Variants in GALNT13 observed in about 807,000 individuals in gnomAD.
The protein encoded by GALNT13 is polypeptide N-acetylgalactosaminyltransferase 13.
In GALNT13, 28 loss-of-function variants were observed where a neutral mutation model predicts 64.2. The observed-to-expected ratio is 0.44, with a 90% CI of 0.32 to 0.60. The LOEUF (loss-of-function observed/expected upper bound fraction) is 0.60, where lower values mean the gene tolerates loss of function less well. Among genes scored for constraint, GALNT13 ranks in the 20% least tolerant of loss-of-function variants. The pLI, the probability that GALNT13 is intolerant of heterozygous loss-of-function variation, is 0.05. For missense variants in GALNT13, 577 were observed against 669.8 expected (o/e 0.86, Z 1.53); for synonymous variants, 214 against 224.6 (o/e 0.95, Z 0.42).
the GALNT13 span, among the ~76,000 whole-genome samples, chr2:153,152,297 C>T: frequency 2.8e-4 from 43 of 151,960 alleles, no homozygotes; most frequent in East Asian, 4.7e-3. Context: ...GGGAGATGGC[C>T]GTGGTAGTGG....
chr2:153,371,844 T>C, the GALNT13 span, among the ~76,000 whole-genome samples: 1 of 152,226 alleles, frequency 6.6e-6, no homozygotes, highest in African/African-American at 2.4e-5. Context: ...CTTTGGATAC[T>C]TTTTAGAACT....
the GALNT13 span, among the ~76,000 whole-genome samples, chr2:153,644,756 A>G: frequency 1.3e-5 from 2 of 152,044 alleles, no homozygotes; most frequent in African/African-American, 4.8e-5. Context: ...ATACAAATGC[A>G]TTCTCAAGAT....
chr2:153,408,344 C>T, the GALNT13 span, among the ~76,000 whole-genome samples: 3 of 151,532 alleles, frequency 2.0e-5, no homozygotes, highest in African/African-American at 7.3e-5. Flanking sequence ...AGAAAATGAC[C>T]GGCATATGAT....
intron 2 of GALNT13, among the ~76,000 whole-genome samples, chr2:153,903,437 T>G (rs1688360368): frequency 6.6e-6 from 1 of 152,050 alleles, no homozygotes; most frequent in Non-Finnish European, 1.5e-5. Context: ...GCAATTACTT[T>G]TGCATCAACC....
the GALNT13 span, among the ~76,000 whole-genome samples, chr2:153,428,621 C>CA: frequency 1.3e-4 from 20 of 152,054 alleles, no homozygotes; most frequent in African/African-American, 3.6e-4. Context: ...CAGTGGTGGA[C>CA]AAAAAATTGA....
the GALNT13 span, among the ~76,000 whole-genome samples, chr2:153,742,810 C>T: frequency 1.3e-5 from 2 of 151,998 alleles, no homozygotes; most frequent in African/African-American, 4.8e-5. Flanking sequence ...TTTTCTCAAC[C>T]AGTCAACTGT....
upstream of GALNT13, among the ~76,000 whole-genome samples, chr2:153,870,801 CGTT>C (rs1208561441): frequency 2.7e-5 from 4 of 150,504 alleles, no homozygotes; most frequent in African/African-American, 4.9e-5. Context: ...TTTATGTAGT[CGTT>C]ATATCCTCCC....
chr2:154,296,547 C>T (rs899430518), intron 8 of GALNT13, among the ~76,000 whole-genome samples: 1 of 152,074 alleles, frequency 6.6e-6, no homozygotes, highest in African/African-American at 2.4e-5. Flanking sequence ...CCTTAAATTC[C>T]GTCTCATGTA....
the GALNT13 span, among the ~76,000 whole-genome samples, chr2:153,458,220 G>A: frequency 6.6e-6 from 1 of 150,984 alleles, no homozygotes; most frequent in African/African-American, 2.4e-5. Flanking sequence ...TCAAATCCTT[G>A]CTTTAAAAAA....
the GALNT13 span, among the ~76,000 whole-genome samples, chr2:153,423,767 A>C: frequency 6.6e-6 from 1 of 151,814 alleles, no homozygotes; most frequent in Non-Finnish European, 1.5e-5. Flanking sequence ...TGAAAGTTAT[A>C]AAAGACCTAA....
the GALNT13 span, among the ~76,000 whole-genome samples, chr2:153,251,572 G>A: frequency 1.5e-4 from 23 of 151,028 alleles, no homozygotes; most frequent in Admixed American, 5.9e-4. Flanking sequence ...TGCACCCACT[G>A]ACTCGTCATC....
the GALNT13 span, among the ~76,000 whole-genome samples, chr2:153,418,124 A>G: frequency 3.3e-5 from 5 of 152,324 alleles, no homozygotes; most frequent in South Asian, 1.0e-3. Context: ...TGTAATCAGA[A>G]TACTGCTCAT....
chr2:153,620,536 T>C, the GALNT13 span, among the ~76,000 whole-genome samples: 1 of 151,970 alleles, frequency 6.6e-6, no homozygotes, highest in Admixed American at 6.6e-5. Context: ...CTTGATCAAT[T>C]CTGCTACCAT....
chr2:153,270,593 A>C, the GALNT13 span, among the ~76,000 whole-genome samples: 1 of 152,094 alleles, frequency 6.6e-6, no homozygotes, highest in Non-Finnish European at 1.5e-5. Context: ...AGACATAGTG[A>C]CTCATGCCTG....
At chr2:153,107,944 A>C in the GALNT13 span, among the ~76,000 whole-genome samples, 1 of 152,160 alleles carries the variant, frequency 6.6e-6, no homozygotes, top group African/African-American at 2.4e-5. Flanking sequence ...TTTCCAAAAG[A>C]ACACACTGTC....
the GALNT13 span, among the ~76,000 whole-genome samples, chr2:153,486,905 C>T: frequency 6.6e-6 from 1 of 152,114 alleles, no homozygotes; most frequent in African/African-American, 2.4e-5. Flanking sequence ...GTATACCCTC[C>T]CATCCTAAGA....
At chr2:154,393,922 C>CA (rs1433323646) in intron 9 of GALNT13, among the ~76,000 whole-genome samples, 1 of 149,520 alleles carries the variant, frequency 6.7e-6, no homozygotes, top group Non-Finnish European at 1.5e-5. Context: ...ACTAAAAATA[C>CA]AAAAAATTAG....
At chr2:153,530,525 A>G in the GALNT13 span, among the ~76,000 whole-genome samples, 1 of 152,232 alleles carries the variant, frequency 6.6e-6, no homozygotes, top group East Asian at 1.9e-4. Context: ...AAACAATTCT[A>G]AAATTCATAT....
At chr2:154,287,104 G>A in intron 8 of GALNT13, 1 of 1,072,768 alleles carries the variant, frequency 9.3e-7, no homozygotes, top group African/African-American at 1.5e-5. Context: ...AGCCACCTTT[G>A]GATGGCATGT....
Sources: allele counts gnomAD v4.1 joint callset (sites outside exome capture counted in the v4.1 genomes callset), GRCh38; gene constraint gnomAD v4.1.1; transcripts MANE v1.5; gene names NCBI Gene and HGNC (gene_info 2026-07-23, HGNC 2026-07-21).